The following NRXN1 variants were observed in gnomAD, a reference collection of about 807,000 sequenced individuals.
NRXN1 encodes neurexin 1.
A neutral mutation model predicts 150.9 loss-of-function variants in NRXN1; 39 were observed. The ratio of observed to expected loss-of-function variants is 0.26; its 90% CI spans 0.20 to 0.34. The LOEUF (loss-of-function observed/expected upper bound fraction) is 0.34, where lower values mean the gene tolerates loss of function less well. Among genes scored for constraint, NRXN1 ranks in the 10% least tolerant of loss-of-function variants. The pLI is 1.00. For missense variants in NRXN1, 1,815 were observed against 1,949.9 expected (o/e 0.93, Z 1.30); for synonymous variants, 924 against 757.0 (o/e 1.22, Z -3.62).
chr2:50,329,656 TATATATATATATATATA>T (rs1307226980), intron 17 of NRXN1, among the ~76,000 whole-genome samples: 360 of 16,464 alleles, frequency 0.022, 9 homozygotes, highest in East Asian at 0.039. Context: ...TATATATATA[TATATATATATATATATA>T]TTTTTTTTTT....
chr2:50,461,742 A>G, intron 17 of NRXN1, among the ~76,000 whole-genome samples: 1 of 152,014 alleles, frequency 6.6e-6, no homozygotes, highest in East Asian at 1.9e-4. Flanking sequence ...CTACAATTTC[A>G]GAAGAGGGAA....
intron 5 of NRXN1, chr2:50,632,614 G>A (rs1682540368): frequency 6.6e-6 from 1 of 151,880 alleles, no homozygotes; most frequent in Admixed American, 6.6e-5. Flanking sequence ...TAAAGTGTGA[G>A]AGTCTTGTTA....
intron 21 of NRXN1, among the ~76,000 whole-genome samples, chr2:50,016,345 G>A (rs1686592290): frequency 1.3e-5 from 2 of 152,072 alleles, no homozygotes; most frequent in South Asian, 2.1e-4. Context: ...AGTGAGAGAA[G>A]GAACTCAAAT....
At chr2:50,814,742 T>C (rs1390206031) in intron 5 of NRXN1, among the ~76,000 whole-genome samples, 3 of 152,276 alleles carry the variant, frequency 2.0e-5, no homozygotes, top group Admixed American at 6.5e-5. Flanking sequence ...TTTAAAAATA[T>C]ACAAAGGTAT....
chr2:50,711,781 A>G (rs1695195741), intron 5 of NRXN1, among the ~76,000 whole-genome samples: 1 of 152,162 alleles, frequency 6.6e-6, no homozygotes, highest in Non-Finnish European at 1.5e-5. Flanking sequence ...TGGAACTCTC[A>G]TAAAGGAATT....
intron 17 of NRXN1, among the ~76,000 whole-genome samples, chr2:50,290,473 C>T (rs1282132793): frequency 2.6e-5 from 4 of 152,100 alleles, no homozygotes; most frequent in African/African-American, 4.8e-5. Context: ...TAACACCAGG[C>T]CTGCACTTTA....
chr2:50,117,406 A>G (rs1264292447), intron 18 of NRXN1, among the ~76,000 whole-genome samples: 2 of 152,142 alleles, frequency 1.3e-5, no homozygotes, highest in African/African-American at 2.4e-5. Context: ...GGGATTTTCC[A>G]CACCCTTCTC....
At chr2:50,878,016 G>A (rs578146748) in intron 5 of NRXN1, among the ~76,000 whole-genome samples, 7 of 151,934 alleles carry the variant, frequency 4.6e-5, no homozygotes, top group African/African-American at 1.7e-4. Flanking sequence ...GGGACTGCAA[G>A]TTCTGTTTTC....
chr2:49,927,739 C>G (rs1253099094), intron 22 of NRXN1, among the ~76,000 whole-genome samples: 1 of 152,080 alleles, frequency 6.6e-6, no homozygotes, highest in African/African-American at 2.4e-5. Flanking sequence ...GGTGGTGGGA[C>G]CTTATCTTTC....
chr2:50,435,898 C>T (rs1307587018), intron 17 of NRXN1, among the ~76,000 whole-genome samples: 1 of 152,000 alleles, frequency 6.6e-6, no homozygotes, highest in Non-Finnish European at 1.5e-5. Context: ...CACCAAAACC[C>T]CGTGACACAC....
intron 9 of NRXN1, among the ~76,000 whole-genome samples, chr2:50,543,161 T>C (rs957502782): frequency 6.6e-5 from 10 of 152,138 alleles, no homozygotes; most frequent in South Asian, 2.1e-4. Flanking sequence ...CCTCTATCTT[T>C]TTCCAGGAAC....
Position 49,930,741 on chromosome 2 carries a change from T to C in NRXN1, c.4217-8490A>G, listed in dbSNP as rs535359983. On this transcript the variant is annotated intron_variant, in intron 22 of 22. Transcript: ENST00000401669. ...CTCACCTTCCAAACTCTAATGAAGA[T>C]TGAACACACTGGCTGAAAACTGCAT... Among the ~76,000 whole-genome samples, 10 of 152,320 alleles carry C rather than the reference T, an allele frequency of 6.6e-5. No individual in the cohort carries two copies. In the East Asian group the frequency reaches 1.4e-3, roughly 21 times the overall value.
intron 15 of NRXN1, among the ~76,000 whole-genome samples, chr2:50,483,624 A>G (rs1334015785): frequency 6.6e-6 from 1 of 152,028 alleles, no homozygotes; most frequent in Non-Finnish European, 1.5e-5. Flanking sequence ...TGAACAAACT[A>G]CCCTTCTGAA....
chr2:50,555,037 C>A (rs1052337823), intron 8 of NRXN1, among the ~76,000 whole-genome samples: 1 of 152,130 alleles, frequency 6.6e-6, no homozygotes, highest in African/African-American at 2.4e-5. Flanking sequence ...TCTTTAGAGG[C>A]AGGGAAAATG....
chr2:50,802,041 T>C (rs1707667943), intron 5 of NRXN1, among the ~76,000 whole-genome samples: 1 of 152,078 alleles, frequency 6.6e-6, no homozygotes, highest in Admixed American at 6.6e-5. Flanking sequence ...AATATTTCTG[T>C]GTGGAAAAAA....
intron 18 of NRXN1, among the ~76,000 whole-genome samples, chr2:50,170,760 T>TGC (rs1400632746): frequency 2.7e-3 from 205 of 74,738 alleles, no homozygotes; most frequent in African/African-American, 0.011. Flanking sequence ...GTCTGTCGTG[T>TGC]GTGTGTGTGT....
intron 5 of NRXN1, among the ~76,000 whole-genome samples, chr2:50,734,308 G>A (rs961433551): frequency 2.0e-5 from 3 of 152,026 alleles, no homozygotes; most frequent in African/African-American, 7.3e-5. Flanking sequence ...GCAACAGAAT[G>A]GTGCATGCTA....
intron 5 of NRXN1, among the ~76,000 whole-genome samples, chr2:50,762,117 G>A (rs201347068): frequency 2.6e-5 from 2 of 75,828 alleles, no homozygotes; most frequent in African/African-American, 9.7e-5. Flanking sequence ...ATATATATAT[G>A]TGTATACACA....
intron 5 of NRXN1, among the ~76,000 whole-genome samples, chr2:50,681,263 T>C (rs2104800138): frequency 1.3e-5 from 2 of 152,348 alleles, no homozygotes; most frequent in East Asian, 3.9e-4. Context: ...ACTTTATCAG[T>C]CTTTCCAATG....
Sources: allele counts gnomAD v4.1 joint callset (sites outside exome capture counted in the v4.1 genomes callset), GRCh38; gene constraint gnomAD v4.1.1; transcripts MANE v1.5; gene names NCBI Gene and HGNC (gene_info 2026-07-23, HGNC 2026-07-21).